Variants in SLCO5A1 observed in about 807,000 individuals in gnomAD.
SLCO5A1 encodes the protein solute carrier organic anion transporter family member 5A1.
A neutral mutation model predicts 65.1 loss-of-function variants in SLCO5A1; 39 were observed. The ratio of observed to expected loss-of-function variants is 0.60; its 90% CI spans 0.46 to 0.78. SLCO5A1 has a LOEUF of 0.78. SLCO5A1 is among the 30% of genes least tolerant of loss of function. SLCO5A1 has a pLI of 0.00. For synonymous variants in SLCO5A1, 438 were observed against 415.7 expected, an observed-to-expected ratio of 1.05 and a Z score of -0.65; for missense variants, 1,029 against 1,069.4, an observed-to-expected ratio of 0.96 and a Z score of 0.53.
intron 4 of SLCO5A1, among the ~76,000 whole-genome samples, chr8:69,743,393 C>T (rs1816885072): frequency 6.6e-6 from 1 of 152,046 alleles, no homozygotes; most frequent in African/African-American, 2.4e-5. Context: ...CCCTCTTTTG[C>T]CCAGACCAGT....
At chr8:69,697,504 A>C (rs1388675252) in intron 6 of SLCO5A1, among the ~76,000 whole-genome samples, 1 of 152,190 alleles carries the variant, frequency 6.6e-6, no homozygotes. Flanking sequence ...ATAATTTCAG[A>C]TAATGTTAAG....
intron 6 of SLCO5A1, chr8:69,704,790 T>C (rs559023622): frequency 3.9e-6 from 2 of 506,828 alleles, no homozygotes; most frequent in Admixed American, 3.5e-5. Flanking sequence ...CATCCTCATC[T>C]GATGTAATTA....
chr8:69,702,325 G>A (rs1255565076), intron 6 of SLCO5A1, among the ~76,000 whole-genome samples: 2 of 152,170 alleles, frequency 1.3e-5, no homozygotes, highest in Non-Finnish European at 2.9e-5. Flanking sequence ...CCAATTTACA[G>A]AAGTAGATAT....
Position 69,832,746 on chromosome 8 carries a change from G to C in SLCO5A1, c.-73C>G. The C allele has an allele frequency of 2.0e-6, 3 of 1,494,262 alleles. No individual in the cohort carries two copies. The highest frequency in any genetic ancestry group is 2.7e-6 in the Non-Finnish European group (3 of 1,123,920). 92.6% of individuals were successfully genotyped at this position (1,494,262 alleles called of 1,614,324 possible). A position where few individuals can be genotyped will look rare whatever the true frequency, so the allele number is the denominator to read the frequency against. ...GCACGTTTCATCCACCGGCACGAGG[G>C]GCCGAAGCCGGGCCCAGTCAGTCTT... On this transcript the variant is annotated 5_prime_UTR_variant, in exon 2 of 10. Coordinates refer to ENST00000260126, the MANE Select transcript of SLCO5A1 (RefSeq NM_030958.3). This position sits in a 1 kb window ranked among gnomAD's most constrained non-coding sequence, Gnocchi z 4.5.
intron 2 of SLCO5A1, among the ~76,000 whole-genome samples, chr8:69,769,221 C>T (rs553807079): frequency 7.9e-5 from 12 of 152,328 alleles, no homozygotes; most frequent in African/African-American, 2.4e-4. Flanking sequence ...GTCCTAGGTG[C>T]TCACATCAAG....
chr8:69,728,558 G>T (rs932721551), intron 5 of SLCO5A1, among the ~76,000 whole-genome samples: 1 of 152,186 alleles, frequency 6.6e-6, no homozygotes, highest in African/African-American at 2.4e-5. Flanking sequence ...CACATCTGCA[G>T]TAAGAAATGG....
At position 69,679,538 on chromosome 8, in the gene SLCO5A1, G is replaced by A; in HGVS notation, c.1864C>T (p.Arg622Cys). 10 of 1,614,156 alleles carry A rather than the reference G, an allele frequency of 6.2e-6. No individual in the cohort carries two copies. In the South Asian group the frequency reaches 6.6e-5, roughly 11 times the overall value. ...AGATAAGTCTTGACAATAACCACAC[G>A]GAGCTGACTTCGCTGTCCCACGGTG... ...PPTVGQRSQLRVVIVKTYLNE... is the reference protein window; with the variant it reads ...PPTVGQRSQLCVVIVKTYLNE... Residue 622 changes from arginine to cysteine, a missense_variant, in exon 8 of 10, where the codon CGT becomes TGT. By Grantham distance (180) the Arg-to-Cys change is radical. Coordinates refer to ENST00000260126, the MANE Select transcript of SLCO5A1 (RefSeq NM_030958.3).
intron 6 of SLCO5A1, chr8:69,700,418 G>A (rs1222802034): frequency 6.6e-6 from 1 of 152,148 alleles, no homozygotes; most frequent in Non-Finnish European, 1.5e-5. Context: ...TCAAAGGCAT[G>A]CAAAAAGTTG....
At chr8:69,824,160 C>A (rs1225879998) in intron 2 of SLCO5A1, among the ~76,000 whole-genome samples, 1 of 151,592 alleles carries the variant, frequency 6.6e-6, no homozygotes, top group Admixed American at 6.6e-5. Context: ...ACTAAATGCC[C>A]ACAAGAGAAA....
Position 69,753,283 on chromosome 8 carries a change from G to A in SLCO5A1, c.1258+2141C>T, listed in dbSNP as rs190988527. Among the ~76,000 whole-genome samples, 194 of 152,226 alleles carry A rather than the reference G, an allele frequency of 1.3e-3. 1 individual carries two copies. Among genetic ancestry groups the A allele is most frequent in the African/African-American group, 4.4e-3 (183 of 41,562 alleles). ...CTACCCCAAGAGGGGCAGGAGCTGC[G>A]GTGTTCATCCAGTCATCTGGTTAAG... On this transcript the variant is annotated intron_variant, in intron 4 of 9. Transcript: ENST00000260126.
Position 69,834,874 on chromosome 8 carries a change from C to G in SLCO5A1, c.-517G>C, listed in dbSNP as rs1254630517. 1 of 152,438 alleles carries G rather than the reference C, an allele frequency of 6.6e-6. No individual in the cohort carries two copies. The highest frequency in any genetic ancestry group is 1.5e-5 in the Non-Finnish European group (1 of 68,204). The allele number at this position is 152,438 out of a possible 1,614,324, so 9.4% of individuals were successfully genotyped here. ...CTCACTAGCGAGTCTGTCAGTCTGT[C>G]TGCCTGGCTGAGTAGAGCGGCGGGA... On this transcript the variant is annotated 5_prime_UTR_variant, in exon 1 of 10. Coordinates refer to ENST00000260126, the MANE Select transcript of SLCO5A1 (RefSeq NM_030958.3).
At chr8:69,773,407 G>T (rs1037128473) in intron 2 of SLCO5A1, among the ~76,000 whole-genome samples, 1 of 152,048 alleles carries the variant, frequency 6.6e-6, no homozygotes, top group Non-Finnish European at 1.5e-5. Flanking sequence ...GCTCATCCTC[G>T]GGTCTCCTGA....
intron 6 of SLCO5A1, among the ~76,000 whole-genome samples, chr8:69,686,231 C>CAAAAAAAAAAAAAAAA (rs3060023): frequency 2.6e-4 from 37 of 141,666 alleles, no homozygotes; most frequent in African/African-American, 8.6e-4. Context: ...CTTCACACAG[C>CAAAAAAAAAAAAAAAA]AAAAAAAAGA....
At chr8:69,725,144 T>G (rs1816003836) in intron 5 of SLCO5A1, among the ~76,000 whole-genome samples, 1 of 152,178 alleles carries the variant, frequency 6.6e-6, no homozygotes, top group Non-Finnish European at 1.5e-5. Context: ...CCAGTAAAAC[T>G]GAGGCCAAAT....
At chr8:69,683,719 T>C (rs1813886164) in intron 6 of SLCO5A1, among the ~76,000 whole-genome samples, 1 of 152,090 alleles carries the variant, frequency 6.6e-6, no homozygotes, top group African/African-American at 2.4e-5. Context: ...CCTGCCACCA[T>C]GCCCGGCTAA....
At chr8:69,724,649 T>A (rs1437285232) in intron 5 of SLCO5A1, among the ~76,000 whole-genome samples, 1 of 152,194 alleles carries the variant, frequency 6.6e-6, no homozygotes, top group Admixed American at 6.5e-5. Context: ...CCACTTCTAA[T>A]AATGTCTAAG....
At chr8:69,693,152 T>C (rs1305338811) in intron 6 of SLCO5A1, among the ~76,000 whole-genome samples, 1 of 152,240 alleles carries the variant, frequency 6.6e-6, no homozygotes, top group African/African-American at 2.4e-5. Flanking sequence ...ATGTCCATCA[T>C]TGACTGAAAC....
intron 2 of SLCO5A1, among the ~76,000 whole-genome samples, chr8:69,804,695 G>A (rs1017713654): frequency 2.0e-5 from 3 of 152,138 alleles, no homozygotes; most frequent in Non-Finnish European, 4.4e-5. Context: ...GCATGCCAAG[G>A]AAAACAAAGG....
intron 6 of SLCO5A1, among the ~76,000 whole-genome samples, chr8:69,697,608 A>T (rs1814551844): frequency 6.6e-6 from 1 of 152,192 alleles, no homozygotes; most frequent in South Asian, 2.1e-4. Flanking sequence ...CTCTCTGAGA[A>T]GGTGGCATTA....
Sources: allele counts gnomAD v4.1 joint callset (sites outside exome capture counted in the v4.1 genomes callset), GRCh38; gene constraint gnomAD v4.1.1; non-coding constraint Gnocchi (gnomAD v3.1); transcripts MANE v1.5; gene names NCBI Gene and HGNC (gene_info 2026-07-23, HGNC 2026-07-21).